The following ADAP1 variants were observed in gnomAD, a reference collection of about 807,000 sequenced individuals.
ADAP1 encodes the protein ArfGAP with dual PH domains 1.
A neutral mutation model predicts 54.9 loss-of-function variants in ADAP1; 31 were observed. That is an observed-to-expected ratio of 0.56 (90% confidence interval 0.42 to 0.76). The LOEUF (loss-of-function observed/expected upper bound fraction) is 0.76, where lower values mean the gene tolerates loss of function less well. Among genes scored for constraint, ADAP1 ranks in the 30% least tolerant of loss-of-function variants. The probability of loss-of-function intolerance (pLI) is 0.00; values close to 1 mark genes in which losing one functional copy is unlikely to be tolerated. For synonymous variants in ADAP1, 313 were observed against 202.6 expected (o/e 1.55, Z -4.63); for missense variants, 535 against 512.4 (o/e 1.04, Z -0.42).
chr7:945,059 G>GGT lies in ADAP1; in HGVS notation c.82+9335_82+9336dup, dbSNP rs1383234318. On this transcript the variant is annotated intron_variant, in intron 1 of 10. Transcript: ENST00000265846. The surrounding 1 kb of genome is among the most constrained non-coding windows in gnomAD (Gnocchi z 4.2). ...GGGTGGGCTCACGTGTGTGTGTGCAGGTGTGTGTGTGTGCAAGGAGATGGG... is the reference window on the plus strand; with the variant it reads ...GGGTGGGCTCACGTGTGTGTGTGCAGGTGTGTGTGTGTGTGCAAGGAGATGGG... Among the ~76,000 whole-genome samples the GGT allele has an allele frequency of 6.6e-6, 1 of 152,086 alleles. No homozygotes were observed. The highest frequency in any genetic ancestry group is 2.1e-4 in the South Asian group (1 of 4,810).
intron 4 of ADAP1, among the ~76,000 whole-genome samples, chr7:908,382 C>G (rs918779722): frequency 1.3e-5 from 2 of 152,182 alleles, no homozygotes; most frequent in Admixed American, 6.5e-5. Flanking sequence ...AGCTGGTGCC[C>G]TCGGGGAGGG....
At position 937,170 on chromosome 7, in the gene ADAP1, C is replaced by T. The variant is rs1159340877; in HGVS notation, c.83-1665G>A. Among the ~76,000 whole-genome samples the T allele has an allele frequency of 1.9e-5, 2 of 107,712 alleles. 1 individual carries two copies. Among genetic ancestry groups the T allele is most frequent in the Non-Finnish European group, 3.9e-5 (2 of 51,870 alleles). The allele number at this position is 107,712 out of a possible 152,430, so 70.7% of individuals were successfully genotyped here. A position where few individuals can be genotyped will look rare whatever the true frequency, so the allele number is the denominator to read the frequency against. On this transcript the variant is annotated intron_variant, in intron 1 of 10. Coordinates refer to ENST00000265846, the MANE Select transcript of ADAP1 (RefSeq NM_006869.4). ...CGCCCGGCCTCTGGGATTTGGGGGT[C>T]ACGCCCGACCTCTGGGATTTGGGGG...
intron 1 of ADAP1, among the ~76,000 whole-genome samples, chr7:937,247 G>A (rs1265189273): frequency 4.6e-5 from 2 of 43,162 alleles, no homozygotes; most frequent in Non-Finnish European, 8.9e-5. Flanking sequence ...TGGGATTTGG[G>A]GGTCACGCCC....
chr7:925,800 CG>C (rs1846362902), intron 3 of ADAP1, among the ~76,000 whole-genome samples: 1 of 152,222 alleles, frequency 6.6e-6, no homozygotes, highest in Non-Finnish European at 1.5e-5. Flanking sequence ...GGTATCTCTG[CG>C]GGGTGGGCCC....
chr7:916,937 CGGGAGGGGGGCGCAGTGCCAGCTCTACCG>C (rs1562923482), intron 4 of ADAP1, among the ~76,000 whole-genome samples: 3 of 149,880 alleles, frequency 2.0e-5, no homozygotes, highest in African/African-American at 7.4e-5. Context: ...GGGAGGTGCA[CGGGAGGGGGGCGCAGTGCCAGCTCTACCG>C]GGGAGGTGCA....
intron 4 of ADAP1, 199 bp from the exon 5 acceptor site, chr7:905,371 G>GAGAAAGGAGAAAGGAGAAGGA (rs376551972): frequency 1.7e-5 from 1 of 60,090 alleles, no homozygotes; most frequent in Non-Finnish European, 2.7e-5. Context: ...AAAGGGAAAG[G>GAGAAAGGAGAAAGGAGAAGGA]GAAAGGAGAA....
At chr7:919,937 G>A (rs371316973) in intron 4 of ADAP1, 31 bp downstream of exon 4, 51 of 1,577,878 alleles carry the variant, frequency 3.2e-5, no homozygotes, top group African/African-American at 2.7e-4. Context: ...AGAGGTAGCC[G>A]GGAGGCCCCA....
In ADAP1 at chr7:954,431, G is replaced by C. The variant is rs1268410462; in HGVS notation, c.47C>G (p.Pro16Arg). Residue 16 changes from proline to arginine, a missense_variant, in exon 1 of 11, where the codon CCG becomes CGG. Pro to Arg is a moderately radical substitution (Grantham distance 103). Transcript: ENST00000265846. ...RRAVLELLQR[P>R]GNARCADCGA... ...GCAGTCCGCGCAGCGCGCGTTCCCC[G>C]GCCGCTGCAGCAGCTCCAGGACCGC... 2 of 1,127,166 alleles carry C rather than the reference G, an allele frequency of 1.8e-6. No individual in the cohort carries two copies. The highest frequency in any genetic ancestry group is 2.2e-6 in the Non-Finnish European group (2 of 909,720). The allele number at this position is 1,127,166 out of a possible 1,614,324, so 69.8% of individuals were successfully genotyped here.
At chr7:922,152 G>A (rs547282438) in intron 3 of ADAP1, among the ~76,000 whole-genome samples, 1 of 152,184 alleles carries the variant, frequency 6.6e-6, no homozygotes, top group South Asian at 2.1e-4. Context: ...GGGCCGCACT[G>A]ACACCCCACG....
rs1847122742 is a variant in ADAP1 at position 945,874 on chromosome 7, C to T, written c.82+8522G>A. On this transcript the variant is annotated intron_variant, in intron 1 of 10. Coordinates refer to ENST00000265846, the MANE Select transcript of ADAP1 (RefSeq NM_006869.4). The surrounding 1 kb of genome is among the most constrained non-coding windows in gnomAD (Gnocchi z 4.2). ...GCGGAGCCAGGTGGGGCAGGCGTGT[C>T]CCCCAAGCCAAGGCCCAGGCTGGGG... 1.0e-6 allele frequency: 1 copy of T among 977,188 alleles called. No individual in the cohort carries two copies. Among genetic ancestry groups the T allele is most frequent in the Non-Finnish European group, 1.2e-6 (1 of 822,454 alleles). 60.5% of individuals were successfully genotyped at this position (977,188 alleles called of 1,614,324 possible). A position where few individuals can be genotyped will look rare whatever the true frequency, so the allele number is the denominator to read the frequency against.
chr7:927,307 C>T, intron 2 of ADAP1: 2 of 1,169,668 alleles, frequency 1.7e-6, no homozygotes, highest in South Asian at 1.5e-5. Flanking sequence ...GTGCTCCTGG[C>T]AGGCGCAAAG....
chr7:934,989 C>G (rs758546917), intron 2 of ADAP1, among the ~76,000 whole-genome samples: 3 of 152,244 alleles, frequency 2.0e-5, no homozygotes, highest in African/African-American at 7.2e-5. Context: ...TGGGTCGTGC[C>G]GCGCGGCCTG....
Position 946,961 on chromosome 7 carries a change from G to A in ADAP1, c.82+7435C>T, listed in dbSNP as rs564401023. Among the ~76,000 whole-genome samples, 7 of 152,300 alleles carry A rather than the reference G, an allele frequency of 4.6e-5. No homozygotes were observed. The South Asian group carries it at 8.3e-4, about 18-fold the overall frequency. On this transcript the variant is annotated intron_variant, in intron 1 of 10. Transcript: ENST00000265846. This position sits in a 1 kb window ranked among gnomAD's most constrained non-coding sequence, Gnocchi z 4.3. ...AGCCTGGGCAACATAGTGAGACACCGCGACTCCATCCTTATGAAAAAATTT... is the reference window on the plus strand; with the variant it reads ...AGCCTGGGCAACATAGTGAGACACCACGACTCCATCCTTATGAAAAAATTT...
chr7:904,667 G>A (rs1181212061), intron 5 of ADAP1, among the ~76,000 whole-genome samples: 1 of 152,224 alleles, frequency 6.6e-6, no homozygotes, highest in African/African-American at 2.4e-5. Context: ...GCCACCTTGT[G>A]AAGACCCCAC....
rs758734093 is a variant in ADAP1 at position 935,549 on chromosome 7, C to T, written c.83-44G>A. The T allele has an allele frequency of 1.3e-5, 20 of 1,549,304 alleles. No individual in the cohort carries two copies. In the South Asian group the frequency reaches 2.3e-4, roughly 18 times the overall value. On this transcript the variant is annotated intron_variant, in intron 1 of 10. Coordinates refer to ENST00000265846, the MANE Select transcript of ADAP1 (RefSeq NM_006869.4). ...CGTTCACGGAGGCTCAGCCCAGGGACCCCGGAGGGAGGGTGGACGGAGCCT... is the reference window on the plus strand; with the variant it reads ...CGTTCACGGAGGCTCAGCCCAGGGATCCCGGAGGGAGGGTGGACGGAGCCT...
chr7:951,585 A>G (rs1336024797), intron 1 of ADAP1, among the ~76,000 whole-genome samples: 1 of 151,636 alleles, frequency 6.6e-6, no homozygotes, highest in Non-Finnish European at 1.5e-5. Flanking sequence ...AAAAAAAAAA[A>G]TTAGCTGGGC....
Position 898,397 on chromosome 7 carries a change from G to GAT in ADAP1, c.*522_*523dup. 5.3e-6 allele frequency: 1 copy of GAT among 188,906 alleles called. No homozygotes were observed. Among genetic ancestry groups the GAT allele is most frequent in the South Asian group, 1.1e-4 (1 of 9,310 alleles). 11.7% of individuals were successfully genotyped at this position (188,906 alleles called of 1,614,324 possible). ...CCGGGCAGGGGCCGGGACCTGTGTG[G>GAT]ATAATCCACCCAAACACCCCACGGC... On this transcript the variant is annotated 3_prime_UTR_variant, in exon 11 of 11. Transcript: ENST00000265846.
At chr7:900,739 G>T in intron 6 of ADAP1, 123 bp from the exon 7 acceptor site, 2 of 806,648 alleles carry the variant, frequency 2.5e-6, no homozygotes, top group Non-Finnish European at 4.0e-6. Context: ...CCTCCTCCCC[G>T]GCACCTCAGC....
rs1217618391 is a variant in ADAP1 at position 905,363 on chromosome 7, A to AG, written c.389-192dup. 36 of 135,206 alleles carry AG rather than the reference A, an allele frequency of 2.7e-4. 1 individual carries two copies. Among genetic ancestry groups the AG allele is most frequent in the Admixed American group, 7.7e-4 (6 of 7,826 alleles). The allele number at this position is 135,206 out of a possible 1,614,324, so 8.4% of individuals were successfully genotyped here. A position where few individuals can be genotyped will look rare whatever the true frequency, so the allele number is the denominator to read the frequency against. On this transcript the variant is annotated intron_variant, in intron 4 of 10. Transcript: ENST00000265846. ...GGGAGATAGGAAGATGGGCAGGGAA[A>AG]GGGAAAGGGAAAGGAGAAAGGAGAA... is the stretch of plus-strand genomic sequence containing the variant.
Sources: gnomAD v4.1 joint callset for allele counts (sites outside exome capture counted in the v4.1 genomes callset) on GRCh38, gnomAD v4.1.1 for gene constraint, Gnocchi (gnomAD v3.1) non-coding constraint, MANE v1.5 for transcripts, NCBI Gene and HGNC (gene_info 2026-07-23, HGNC 2026-07-21) for gene names.